The following ZFAT variants were observed in gnomAD, a reference collection of about 807,000 sequenced individuals.
ZFAT encodes the protein zinc finger and AT-hook domain containing, also known as zinc finger protein ZFAT.
Under a neutral mutation model 117.7 loss-of-function variants are expected in ZFAT, and 64 were observed. That is an observed-to-expected ratio of 0.54 (90% CI 0.44 to 0.67). The LOEUF (loss-of-function observed/expected upper bound fraction) is 0.67, where lower values mean the gene tolerates loss of function less well. Ranked by LOEUF, ZFAT falls within the 30% of genes least tolerant of loss-of-function variation. The probability of loss-of-function intolerance (pLI) is 0.00; values close to 1 mark genes in which losing one functional copy is unlikely to be tolerated. For synonymous variants in ZFAT, 679 were observed against 615.0 expected (o/e 1.10, Z -1.54); for missense variants, 1,433 against 1,584.5 (o/e 0.90, Z 1.62).
intron 1 of ZFAT, among the ~76,000 whole-genome samples, chr8:134,677,623 T>C (rs572433182): frequency 2.0e-5 from 3 of 152,116 alleles, no homozygotes; most frequent in South Asian, 2.1e-4. Flanking sequence ...TACCAAAACC[T>C]AGCAGAGACA....
Position 134,512,520 on chromosome 8 carries a change from C to G in ZFAT, c.3316G>C (p.Ala1106Pro). The change falls in exon 14 of 16, where the codon GCA (alanine) becomes CCA (proline). Residue 1106 changes from alanine (A) to proline (P), a missense_variant. This residue lies in a region of ZFAT where 503 missense variants were observed against 543.4 expected (regional missense o/e 0.93). Transcript: ENST00000377838. The part of the protein sequence containing the change: ...EAEEDVQGTQ[A>P]AVAALQDLRY... Reference sequence around the variant, plus strand: ...AGGTCCTGGAGCGCGGCCACCGCTGCCTGTGTCCCTTGAACGTCTTCTTCG... The same window carrying G: ...AGGTCCTGGAGCGCGGCCACCGCTGGCTGTGTCCCTTGAACGTCTTCTTCG... The G allele has an allele frequency of 6.2e-7, 1 of 1,614,016 alleles. No individual in the cohort carries two copies. Among genetic ancestry groups the G allele is most frequent in the Non-Finnish European group, 8.5e-7 (1 of 1,179,896 alleles).
At chr8:134,553,302 C>G (rs377599602) in intron 11 of ZFAT, among the ~76,000 whole-genome samples, 1 of 152,088 alleles carries the variant, frequency 6.6e-6, no homozygotes, top group Non-Finnish European at 1.5e-5. Context: ...TAGGAGTTCA[C>G]GACCAGCCTG....
the ZFAT span, among the ~76,000 whole-genome samples, chr8:134,810,410 C>T: frequency 2.6e-5 from 4 of 152,170 alleles, no homozygotes; most frequent in African/African-American, 9.7e-5. Context: ...AATTTCAAAG[C>T]AGTTTTAATT....
intron 13 of ZFAT, among the ~76,000 whole-genome samples, chr8:134,519,532 G>A (rs1820495060): frequency 1.3e-5 from 2 of 152,186 alleles, no homozygotes; most frequent in Admixed American, 1.3e-4. Flanking sequence ...ACAACTAACT[G>A]TTGTATGTTG....
upstream of ZFAT, among the ~76,000 whole-genome samples, chr8:134,715,049 C>T (rs191604227): frequency 6.6e-6 from 1 of 152,296 alleles, no homozygotes; most frequent in Admixed American, 6.5e-5. Flanking sequence ...CATTATTTTG[C>T]TGTGAATCGA....
chr8:134,811,256 A>G, the ZFAT span, among the ~76,000 whole-genome samples: 2 of 152,236 alleles, frequency 1.3e-5, no homozygotes, highest in African/African-American at 4.8e-5. Flanking sequence ...TATCGTTTTT[A>G]TACTTCAAAC....
the ZFAT span, among the ~76,000 whole-genome samples, chr8:134,753,481 C>T: frequency 1.4e-4 from 21 of 152,166 alleles, no homozygotes; most frequent in Non-Finnish European, 2.4e-4. Context: ...TTTAAATTCT[C>T]CCCCTAATGA....
chr8:134,723,280 C>G, the ZFAT span: 2 of 152,390 alleles, frequency 1.3e-5, no homozygotes, highest in South Asian at 2.1e-4. Flanking sequence ...CTTATCACAT[C>G]GCTCCACCTC....
chr8:134,533,497 T>C (rs1302762879), intron 11 of ZFAT, among the ~76,000 whole-genome samples: 1 of 152,242 alleles, frequency 6.6e-6, no homozygotes, highest in Non-Finnish European at 1.5e-5. Context: ...CATTCTATGA[T>C]GTTCTACAAC....
At chr8:134,755,817 C>CAAAAAAAAAAAAAAAAAAAAAAAAAAAA in the ZFAT span, among the ~76,000 whole-genome samples, 1 of 90,020 alleles carries the variant, frequency 1.1e-5, no homozygotes, top group Non-Finnish European at 2.1e-5. Flanking sequence ...GACTCCATCT[C>CAAAAAAAAAAAAAAAAAAAAAAAAAAAA]AAAAAAAAAA....
chr8:134,610,095 G>A (rs932083363), intron 4 of ZFAT, among the ~76,000 whole-genome samples: 1 of 152,198 alleles, frequency 6.6e-6, no homozygotes, highest in Non-Finnish European at 1.5e-5. Flanking sequence ...TGGCTGAATG[G>A]GCTGGCCTCA....
chr8:134,675,744 C>T (rs892630255), intron 1 of ZFAT, among the ~76,000 whole-genome samples: 2 of 152,194 alleles, frequency 1.3e-5, no homozygotes, highest in African/African-American at 4.8e-5. Context: ...CAGCGGATCT[C>T]TCGGCAGAAA....
intron 1 of ZFAT, among the ~76,000 whole-genome samples, chr8:134,674,070 A>T (rs894956370): frequency 6.6e-6 from 1 of 152,232 alleles, no homozygotes; most frequent in South Asian, 2.1e-4. Flanking sequence ...TGAGGTAGCC[A>T]GTTCATCATA....
chr8:134,485,027 A>G (rs1304789041), intron 15 of ZFAT, among the ~76,000 whole-genome samples: 2 of 152,158 alleles, frequency 1.3e-5, no homozygotes, highest in Non-Finnish European at 2.9e-5. Flanking sequence ...TGAGATTACA[A>G]TCTGGAATGA....
intron 10 of ZFAT, among the ~76,000 whole-genome samples, chr8:134,578,014 C>T (rs1023890927): frequency 6.6e-6 from 1 of 151,082 alleles, no homozygotes; most frequent in African/African-American, 2.4e-5. Flanking sequence ...ACCTCCAGGA[C>T]ATGAAGGAGG....
intron 1 of ZFAT, among the ~76,000 whole-genome samples, chr8:134,689,249 G>C (rs1185446390): frequency 6.6e-6 from 1 of 152,208 alleles, no homozygotes; most frequent in African/African-American, 2.4e-5. Flanking sequence ...TGAATAATCT[G>C]CCCCTTAATT....
the ZFAT span, among the ~76,000 whole-genome samples, chr8:134,763,801 G>A: frequency 7.7e-3 from 1,170 of 152,248 alleles, 16 homozygotes; most frequent in Non-Finnish European, 7.7e-3. Context: ...CAGTGGCTTG[G>A]GAATGTCCAG....
chr8:134,817,402 C>CT, the ZFAT span, among the ~76,000 whole-genome samples: 145 of 92,802 alleles, frequency 1.6e-3, 1 homozygote, highest in African/African-American at 5.4e-3. Flanking sequence ...TCTACACACA[C>CT]ACACACACAC....
chr8:134,769,252 G>A, the ZFAT span, among the ~76,000 whole-genome samples: 1 of 152,168 alleles, frequency 6.6e-6, no homozygotes. Flanking sequence ...CTATGAGCCT[G>A]TAAAATGAAA....
Sources: allele counts gnomAD v4.1 joint callset (sites outside exome capture counted in the v4.1 genomes callset), GRCh38; gene constraint gnomAD v4.1.1; regional missense constraint gnomAD v4.1.1; transcripts MANE v1.5; gene names NCBI Gene and HGNC (gene_info 2026-07-23, HGNC 2026-07-21).